AIG1: variants seen among roughly 807,000 people sequenced by gnomAD.
AIG1 encodes androgen-induced gene 1 protein.
AIG1 carries 23 observed loss-of-function variants against 31.4 expected under a neutral mutation model. The ratio of observed to expected loss-of-function variants is 0.73; its 90% CI spans 0.53 to 1.04. AIG1 has a LOEUF of 1.04. Ranked by LOEUF, AIG1 falls within the 50% of genes least tolerant of loss-of-function variation. The probability of loss-of-function intolerance (pLI) is 0.00; values close to 1 mark genes in which losing one functional copy is unlikely to be tolerated. For synonymous variants in AIG1, 100 were observed against 110.5 expected (o/e 0.90, Z 0.60); for missense variants, 274 against 295.0 (o/e 0.93, Z 0.52).
chr6:143,241,820 A>G (rs1469020224), intron 3 of AIG1, among the ~76,000 whole-genome samples: 1 of 152,246 alleles, frequency 6.6e-6, no homozygotes, highest in Non-Finnish European at 1.5e-5. Flanking sequence ...GGAAAACTTC[A>G]CATGGAGATA....
chr6:143,073,964 A>C (rs944119359), intron 1 of AIG1, among the ~76,000 whole-genome samples: 14 of 152,232 alleles, frequency 9.2e-5, no homozygotes, highest in Non-Finnish European at 1.5e-4. Flanking sequence ...TATGAGATTT[A>C]GGCAGGAAAA....
chr6:143,207,262 C>T (rs1242957014), intron 3 of AIG1, among the ~76,000 whole-genome samples: 1 of 152,006 alleles, frequency 6.6e-6, no homozygotes, highest in African/African-American at 2.4e-5. Context: ...ACTATACAGT[C>T]CTCTTGTGTT....
At chr6:143,185,024 G>C (rs1010432019) in intron 3 of AIG1, among the ~76,000 whole-genome samples, 1 of 151,674 alleles carries the variant, frequency 6.6e-6, no homozygotes, top group East Asian at 1.9e-4. Flanking sequence ...GGTGAAACCC[G>C]GTCTCTACTA....
At chr6:143,141,638 G>T (rs956497848) in intron 2 of AIG1, among the ~76,000 whole-genome samples, 2 of 152,162 alleles carry the variant, frequency 1.3e-5, no homozygotes, top group Admixed American at 1.3e-4. Context: ...CACTCCCAAA[G>T]CCTTGCAACT....
intron 2 of AIG1, among the ~76,000 whole-genome samples, chr6:143,152,706 G>A (rs907398199): frequency 2.0e-5 from 3 of 152,150 alleles, no homozygotes; most frequent in Non-Finnish European, 2.9e-5. Context: ...TCTCACCTGT[G>A]TGAGGCATAA....
chr6:143,220,121 C>T (rs1298332351), intron 3 of AIG1, among the ~76,000 whole-genome samples: 6 of 152,124 alleles, frequency 3.9e-5, no homozygotes, highest in Non-Finnish European at 7.4e-5. Context: ...GGTCACAGGA[C>T]CTTTGCTGCT....
intron 1 of AIG1, among the ~76,000 whole-genome samples, chr6:143,065,390 G>A (rs1776605409): frequency 6.6e-6 from 1 of 152,180 alleles, no homozygotes; most frequent in South Asian, 2.1e-4. Context: ...AAGCTGGAAA[G>A]AAAGAAAATT....
At chr6:143,215,744 G>A (rs575006239) in intron 3 of AIG1, among the ~76,000 whole-genome samples, 14 of 152,262 alleles carry the variant, frequency 9.2e-5, no homozygotes, top group Non-Finnish European at 1.9e-4. Flanking sequence ...TTCTCTGATG[G>A]CACTATTAAT....
chr6:143,219,101 A>G (rs532063252), intron 3 of AIG1, among the ~76,000 whole-genome samples: 51 of 152,374 alleles, frequency 3.3e-4, no homozygotes, highest in African/African-American at 1.1e-3. Flanking sequence ...ACTCAGATAC[A>G]CACTTATATG....
chr6:143,087,579 A>G (rs1433586258), intron 1 of AIG1, among the ~76,000 whole-genome samples: 1 of 152,216 alleles, frequency 6.6e-6, no homozygotes, highest in African/African-American at 2.4e-5. Flanking sequence ...GGCAAACAAC[A>G]GTGGTGGACA....
At chr6:143,061,117 CGTGTGTGTGTGT>C (rs138059311) in intron 1 of AIG1, 51 bp downstream of exon 1, 26 of 1,410,280 alleles carry the variant, frequency 1.8e-5, no homozygotes, top group East Asian at 1.0e-4. Context: ...CCTGTGTGTG[CGTGTGTGTGTGT>C]GTGTGTGTGT....
chr6:143,214,764 C>T (rs1791879337), intron 3 of AIG1, among the ~76,000 whole-genome samples: 1 of 152,162 alleles, frequency 6.6e-6, no homozygotes, highest in Non-Finnish European at 1.5e-5. Context: ...TCCCCCTGCA[C>T]ACCTATGCTT....
At chr6:143,132,148 C>T (rs1783298139) in intron 1 of AIG1, among the ~76,000 whole-genome samples, 3 of 152,046 alleles carry the variant, frequency 2.0e-5, no homozygotes, top group Admixed American at 1.3e-4. Flanking sequence ...AGTTAATTAT[C>T]GTTAATAAAT....
At chr6:143,217,239 G>GT (rs1246261091) in intron 3 of AIG1, among the ~76,000 whole-genome samples, 4 of 151,976 alleles carry the variant, frequency 2.6e-5, no homozygotes, top group East Asian at 1.9e-4. Context: ...CAATCACTGT[G>GT]TTTTTTTGTT....
intron 1 of AIG1, among the ~76,000 whole-genome samples, chr6:143,130,124 G>C (rs996035861): frequency 2.0e-5 from 3 of 151,508 alleles, no homozygotes; most frequent in Non-Finnish European, 4.4e-5. Flanking sequence ...AGAGATGGGG[G>C]TTCACCATGT....
rs1324453619 is a variant in AIG1, at chr6:143,268,940, C to T, written c.400-15170C>T. Among the ~76,000 whole-genome samples the T allele has an allele frequency of 6.6e-6, 1 of 152,212 alleles. No homozygotes were observed. The highest frequency in any genetic ancestry group is 2.4e-5 in the African/African-American group (1 of 41,450). ...CCCCCTTCCTGTGGCAGCCCTCATC[C>T]CATAACTGGTCCATGCTGGGGTATA... On this transcript the variant is annotated intron_variant, in intron 3 of 5. Coordinates refer to ENST00000357847, the MANE Select transcript of AIG1 (RefSeq NM_016108.4). This position sits in a 1 kb window ranked among gnomAD's most constrained non-coding sequence, Gnocchi z 5.0.
chr6:143,282,437 C>T (rs982907855), intron 3 of AIG1, among the ~76,000 whole-genome samples: 2 of 152,124 alleles, frequency 1.3e-5, no homozygotes, highest in Non-Finnish European at 2.9e-5. Flanking sequence ...GGCGACATTC[C>T]AGGCCGATGT....
At chr6:143,205,089 A>C (rs146619897) in intron 3 of AIG1, among the ~76,000 whole-genome samples, 1 of 152,260 alleles carries the variant, frequency 6.6e-6, no homozygotes, top group Non-Finnish European at 1.5e-5. Flanking sequence ...TTGTGTACCA[A>C]ACACATGTAG....
In AIG1 at chr6:143,284,190, C is replaced by A. The variant is rs780615123; in HGVS notation, c.480C>A (p.Thr160=). 3 of 1,613,764 alleles carry A rather than the reference C, an allele frequency of 1.9e-6. No homozygotes were observed. Among genetic ancestry groups the A allele is most frequent in the Middle Eastern group, 1.7e-4 (1 of 6,046 alleles). Residue 160 remains threonine (T), a synonymous_variant, in exon 4 of 6, where the codon ACC becomes ACA. Transcript: ENST00000357847. The surrounding 1 kb of genome is among the most constrained non-coding windows in gnomAD (Gnocchi z 4.4). ...ATCCCAGCAGGAGCAGCGGACTTAC[C>A]GCCATATGTACCTTCTCTGTTGGCT... The part of the protein sequence containing the change: ...HQYPSRSSGL[T]AICTFSVGYI...
Sources: gnomAD v4.1 joint callset for allele counts (sites outside exome capture counted in the v4.1 genomes callset) on GRCh38, gnomAD v4.1.1 for gene constraint, Gnocchi (gnomAD v3.1) non-coding constraint, MANE v1.5 for transcripts, NCBI Gene and HGNC (gene_info 2026-07-23, HGNC 2026-07-21) for gene names.